GRID2: variants seen among roughly 807,000 people sequenced by gnomAD.
The protein encoded by GRID2 is glutamate ionotropic receptor delta type subunit 2, also known as glutamate receptor ionotropic, delta-2.
In GRID2, 33 loss-of-function variants were observed where a neutral mutation model predicts 114.8. The ratio of observed to expected loss-of-function variants is 0.29; its 90% CI spans 0.22 to 0.38. The LOEUF (loss-of-function observed/expected upper bound fraction) is 0.38, where lower values mean the gene tolerates loss of function less well. Ranked by LOEUF, GRID2 falls within the 10% of genes least tolerant of loss-of-function variation. The pLI, the probability that GRID2 is intolerant of heterozygous loss-of-function variation, is 1.00. For synonymous variants in GRID2, 505 were observed against 449.9 expected (o/e 1.12, Z -1.55); for missense variants, 1,184 against 1,257.7 (o/e 0.94, Z 0.89).
chr4:92,726,323 T>C (rs752272182), intron 2 of GRID2, among the ~76,000 whole-genome samples: 87 of 152,144 alleles, frequency 5.7e-4, no homozygotes, highest in Admixed American at 2.6e-4. Context: ...ACATAAGTAA[T>C]GCATTGTACT....
At chr4:92,501,830 G>A (rs187069311) in intron 1 of GRID2, among the ~76,000 whole-genome samples, 7 of 152,192 alleles carry the variant, frequency 4.6e-5, no homozygotes, top group African/African-American at 1.7e-4. Context: ...AGAAATGATT[G>A]TTTACATATA....
At chr4:93,185,956 C>T (rs1740375159) in intron 4 of GRID2, among the ~76,000 whole-genome samples, 1 of 151,940 alleles carries the variant, frequency 6.6e-6, no homozygotes, top group Non-Finnish European at 1.5e-5. Flanking sequence ...TCCAAGTGTT[C>T]TCATTGTTGA....
chr4:92,481,769 A>G (rs1722600343), intron 1 of GRID2, among the ~76,000 whole-genome samples: 1 of 151,740 alleles, frequency 6.6e-6, no homozygotes, highest in South Asian at 2.1e-4. Flanking sequence ...TAAGAATAGC[A>G]CAGAATCTGT....
chr4:93,171,136 A>G (rs1738778417), intron 4 of GRID2, among the ~76,000 whole-genome samples: 2 of 152,170 alleles, frequency 1.3e-5, no homozygotes, highest in Admixed American at 1.3e-4. Context: ...CTTTGCAATG[A>G]TCTACATGGT....
At chr4:93,409,172 A>G (rs2149349938) in intron 9 of GRID2, among the ~76,000 whole-genome samples, 1 of 152,316 alleles carries the variant, frequency 6.6e-6, no homozygotes, top group Admixed American at 6.5e-5. Context: ...GAATTAACTG[A>G]TAATAGACAG....
At chr4:93,492,794 C>T (rs1181197656) in intron 12 of GRID2, among the ~76,000 whole-genome samples, 1 of 151,766 alleles carries the variant, frequency 6.6e-6, no homozygotes, top group Non-Finnish European at 1.5e-5. Context: ...TATACATATA[C>T]ATTGTGAAAT....
chr4:93,525,532 G>C (rs1730801433), intron 13 of GRID2, among the ~76,000 whole-genome samples: 1 of 152,128 alleles, frequency 6.6e-6, no homozygotes, highest in African/African-American at 2.4e-5. Flanking sequence ...AGGAGTATTT[G>C]AAATCAGTTT....
At chr4:92,471,668 T>A (rs1272392751) in intron 1 of GRID2, among the ~76,000 whole-genome samples, 1 of 152,114 alleles carries the variant, frequency 6.6e-6, no homozygotes, top group Non-Finnish European at 1.5e-5. Context: ...TTGTACACTT[T>A]GATAAATACT....
At chr4:92,922,142 G>C (rs1291192362) in intron 2 of GRID2, among the ~76,000 whole-genome samples, 4 of 152,204 alleles carry the variant, frequency 2.6e-5, no homozygotes, top group Non-Finnish European at 4.4e-5. Context: ...AGGACCCTCT[G>C]AGCCAGGTGC....
chr4:93,244,442 G>T lies in GRID2; in HGVS notation c.1245+5952G>T, dbSNP rs149956263. On this transcript the variant is annotated intron_variant, in intron 8 of 15. Coordinates refer to ENST00000282020, the MANE Select transcript of GRID2 (RefSeq NM_001510.4). ...ACAAAGTCTACAACTTTGTGTTCTT[G>T]GGCAAACCTAATGTACTGCTTCGCA... 5.3e-3 allele frequency among the ~76,000 whole-genome samples: 795 copies of T among 149,438 alleles called. 24 individuals carry two copies. Among genetic ancestry groups the T allele is most frequent in the Admixed American group, 0.051 (757 of 14,822 alleles).
chr4:93,771,916 T>C (rs111615990), intron 15 of GRID2, among the ~76,000 whole-genome samples, 160 bp from the exon 16 acceptor site: 130 of 152,184 alleles, frequency 8.5e-4, no homozygotes, highest in African/African-American at 3.1e-3. Context: ...CCCCCAGAAC[T>C]TAGCACAGTG....
chr4:92,892,733 C>A (rs936696444), intron 2 of GRID2, among the ~76,000 whole-genome samples: 15 of 152,148 alleles, frequency 9.9e-5, no homozygotes, highest in African/African-American at 3.6e-4. Flanking sequence ...CACTTGGGAA[C>A]ACATAATTTT....
chr4:92,825,685 G>A (rs1417956265), intron 2 of GRID2, among the ~76,000 whole-genome samples: 2 of 152,046 alleles, frequency 1.3e-5, no homozygotes, highest in Non-Finnish European at 1.5e-5. Flanking sequence ...CCATATAAAT[G>A]AGAGCCACCT....
chr4:92,710,409 T>A (rs2149308955), intron 2 of GRID2, among the ~76,000 whole-genome samples: 1 of 152,346 alleles, frequency 6.6e-6, no homozygotes. Context: ...ATTTAGCAGC[T>A]TGAGTTATAA....
intron 1 of GRID2, among the ~76,000 whole-genome samples, chr4:92,578,213 A>G (rs1480480071): frequency 6.7e-6 from 1 of 149,516 alleles, no homozygotes; most frequent in Non-Finnish European, 1.5e-5. Flanking sequence ...GGTGTGCTGC[A>G]CCCATTGACT....
intron 1 of GRID2, among the ~76,000 whole-genome samples, chr4:92,305,085 T>A (rs560359201): frequency 6.6e-6 from 1 of 151,262 alleles, no homozygotes; most frequent in East Asian, 1.9e-4. Flanking sequence ...TCTTCCATAT[T>A]TTTTTTCCCG....
At chr4:92,774,435 C>T (rs1039635858) in intron 2 of GRID2, among the ~76,000 whole-genome samples, 5 of 152,002 alleles carry the variant, frequency 3.3e-5, no homozygotes, top group African/African-American at 9.7e-5. Context: ...TTGTAGAGAA[C>T]TGGGGTATCA....
At chr4:92,858,566 T>TC (rs1291886754) in intron 2 of GRID2, among the ~76,000 whole-genome samples, 4 of 152,190 alleles carry the variant, frequency 2.6e-5, no homozygotes, top group Admixed American at 2.6e-4. Context: ...TTGTTTTTTT[T>TC]CTTTCTTTTG....
intron 1 of GRID2, among the ~76,000 whole-genome samples, chr4:92,573,710 C>A (rs1246189841): frequency 6.6e-6 from 1 of 152,112 alleles, no homozygotes; most frequent in Non-Finnish European, 1.5e-5. Flanking sequence ...CTTGCATTTG[C>A]TGAGGTGTGT....
Sources: gnomAD v4.1 joint callset for allele counts (sites outside exome capture counted in the v4.1 genomes callset) on GRCh38, gnomAD v4.1.1 for gene constraint, MANE v1.5 for transcripts, NCBI Gene and HGNC (gene_info 2026-07-23, HGNC 2026-07-21) for gene names.